The following KIF1B variants were observed in gnomAD, a reference collection of about 807,000 sequenced individuals.
The protein encoded by KIF1B is kinesin-like protein KIF1B.
Under a neutral mutation model 241.9 loss-of-function variants are expected in KIF1B, and 76 were observed. That is an observed-to-expected ratio of 0.31 (90% confidence interval 0.26 to 0.38). The LOEUF is 0.38. Among genes scored for constraint, KIF1B ranks in the 10% least tolerant of loss-of-function variants. The probability of loss-of-function intolerance (pLI) is 1.00; values close to 1 mark genes in which losing one functional copy is unlikely to be tolerated. For synonymous variants in KIF1B, 750 were observed against 796.7 expected (o/e 0.94, Z 0.99); for missense variants, 1,622 against 2,271.4 (o/e 0.71, Z 5.81).
intron 2 of KIF1B, among the ~76,000 whole-genome samples, chr1:10,250,440 G>C (rs1251378331): frequency 6.6e-6 from 1 of 151,622 alleles, no homozygotes; most frequent in African/African-American, 2.4e-5. Context: ...CTGGTTTCAA[G>C]CAGATCTCTT....
intron 44 of KIF1B, among the ~76,000 whole-genome samples, chr1:10,370,643 A>AT (rs1638706278): frequency 6.8e-6 from 1 of 147,974 alleles, no homozygotes; most frequent in African/African-American, 2.5e-5. Flanking sequence ...TCGAGAAAGA[A>AT]AATAATAATA....
At chr1:10,280,923 T>C (rs937047967) in intron 14 of KIF1B, among the ~76,000 whole-genome samples, 3 of 152,176 alleles carry the variant, frequency 2.0e-5, no homozygotes, top group Non-Finnish European at 4.4e-5. Flanking sequence ...TTCTCTTTAT[T>C]CCTTTTAGGG....
intron 2 of KIF1B, among the ~76,000 whole-genome samples, chr1:10,244,330 T>C (rs957397147): frequency 8.6e-5 from 13 of 150,326 alleles, no homozygotes; most frequent in Middle Eastern, 3.4e-3. Flanking sequence ...TTTTTTTTTT[T>C]TGAGATGGAG....
At chr1:10,248,230 A>T (rs1571134334) in intron 2 of KIF1B, among the ~76,000 whole-genome samples, 1 of 152,042 alleles carries the variant, frequency 6.6e-6, no homozygotes, top group Admixed American at 6.6e-5. Context: ...GGGTCTCGTT[A>T]TGTTGCCCAG....
rs972469524 is a variant in KIF1B at position 10,379,317 on chromosome 1, C to G, written c.*2730C>G. On this transcript the variant is annotated 3_prime_UTR_variant, in exon 49 of 49. Coordinates refer to ENST00000676179, the MANE Select transcript of KIF1B (RefSeq NM_001365951.3). Reference sequence around the variant, plus strand: ...ATTAGAACAGGCCAAACTGGACTGTCTGTTCATAGCGTGCCTGAATAAGAA... The same window carrying G: ...ATTAGAACAGGCCAAACTGGACTGTGTGTTCATAGCGTGCCTGAATAAGAA... 7 of 231,258 alleles carry G rather than the reference C, an allele frequency of 3.0e-5. No homozygotes were observed. The highest frequency in any genetic ancestry group is 5.1e-5 in the Non-Finnish European group (6 of 116,548). The allele number at this position is 231,258 out of a possible 1,614,324, so 14.3% of individuals were successfully genotyped here. A position where few individuals can be genotyped will look rare whatever the true frequency, so the allele number is the denominator to read the frequency against.
intron 16 of KIF1B, 151 bp downstream of exon 16, chr1:10,291,312 C>T (rs969039000): frequency 6.7e-5 from 42 of 630,366 alleles, no homozygotes; most frequent in Non-Finnish European, 1.1e-4. Context: ...GGATTTATGG[C>T]CAGTTGAATT....
intron 22 of KIF1B, among the ~76,000 whole-genome samples, chr1:10,300,672 G>A (rs979538689): frequency 2.0e-5 from 3 of 152,132 alleles, no homozygotes; most frequent in African/African-American, 7.2e-5. Context: ...ATGTGGGAAA[G>A]AATCAAAGAT....
intron 22 of KIF1B, among the ~76,000 whole-genome samples, chr1:10,298,064 A>G (rs61508659): frequency 0.035 from 5,355 of 152,330 alleles, 112 homozygotes; most frequent in Middle Eastern, 0.13. Context: ...CAACCAAACA[A>G]CCAATTTTGG....
At chr1:10,279,583 A>G (rs527697369) in intron 14 of KIF1B, among the ~76,000 whole-genome samples, 79 of 151,040 alleles carry the variant, frequency 5.2e-4, no homozygotes, top group Non-Finnish European at 9.9e-4. Flanking sequence ...AAAACTATCT[A>G]TGATTTAAGA....
At chr1:10,272,712 G>A (rs1381771910) in intron 9 of KIF1B, among the ~76,000 whole-genome samples, 1 of 146,294 alleles carries the variant, frequency 6.8e-6, no homozygotes, top group African/African-American at 2.5e-5. Flanking sequence ...TTGAGGGCCA[G>A]TAGTTTTTTT....
At chr1:10,373,669 C>T (rs944517730) in intron 45 of KIF1B, among the ~76,000 whole-genome samples, 6 of 152,174 alleles carry the variant, frequency 3.9e-5, no homozygotes, top group African/African-American at 1.4e-4. Flanking sequence ...TTATTTCTCA[C>T]ACAGTAGTCA....
chr1:10,259,766 C>T (rs1226697779), intron 4 of KIF1B, among the ~76,000 whole-genome samples: 1 of 151,722 alleles, frequency 6.6e-6, no homozygotes, highest in East Asian at 1.9e-4. Context: ...TCCCAAAGTG[C>T]AGGGATTGCA....
chr1:10,315,586 A>G (rs765132152), intron 22 of KIF1B, among the ~76,000 whole-genome samples: 8 of 151,618 alleles, frequency 5.3e-5, no homozygotes, highest in Non-Finnish European at 8.8e-5. Flanking sequence ...TAATTAAATC[A>G]AAAATTAGGA....
At chr1:10,269,999 A>G (rs916494297) in intron 7 of KIF1B, among the ~76,000 whole-genome samples, 3 of 152,102 alleles carry the variant, frequency 2.0e-5, no homozygotes, top group Non-Finnish European at 4.4e-5. Context: ...TTAATCCCAT[A>G]ATCATAGCTT....
chr1:10,379,665 C>G lies in KIF1B; in HGVS notation c.*3078C>G. On this transcript the variant is annotated 3_prime_UTR_variant, in exon 49 of 49. Transcript: ENST00000676179. Reference sequence around the variant, plus strand: ...ACTTTAAAAGGCAGGAAAGAGAATTCTTAGGCAAATTCAGAGAAATAAGTG... The same window carrying G: ...ACTTTAAAAGGCAGGAAAGAGAATTGTTAGGCAAATTCAGAGAAATAAGTG... The G allele has an allele frequency of 4.3e-6, 1 of 231,300 alleles. No individual in the cohort carries two copies. Among genetic ancestry groups the G allele is most frequent in the Middle Eastern group, 1.3e-3 (1 of 792 alleles). The allele number at this position is 231,300 out of a possible 1,614,324, so 14.3% of individuals were successfully genotyped here. A position where few individuals can be genotyped will look rare whatever the true frequency, so the allele number is the denominator to read the frequency against.
intron 14 of KIF1B, among the ~76,000 whole-genome samples, chr1:10,279,582 T>A (rs1376506175): frequency 1.3e-5 from 2 of 152,122 alleles, no homozygotes; most frequent in African/African-American, 4.8e-5. Flanking sequence ...CAAAACTATC[T>A]ATGATTTAAG....
chr1:10,297,323 A>AC (rs774520737), intron 22 of KIF1B, 77 bp downstream of exon 22: 3 of 1,273,882 alleles, frequency 2.4e-6, no homozygotes, highest in Non-Finnish European at 3.4e-6. Flanking sequence ...ACAGAGCAGT[A>AC]CTCACCCAAA....
chr1:10,305,001 G>A (rs1219294832), intron 22 of KIF1B: 1 of 1,125,182 alleles, frequency 8.9e-7, no homozygotes, highest in Non-Finnish European at 1.1e-6. Context: ...CATCCAGAAA[G>A]ACCTGCCTCT....
chr1:10,371,580 T>C (rs1638735282), intron 45 of KIF1B, among the ~76,000 whole-genome samples: 1 of 152,200 alleles, frequency 6.6e-6, no homozygotes, highest in Non-Finnish European at 1.5e-5. Context: ...AAGTGCTATC[T>C]TGGGAAAAAT....
Sources: allele counts gnomAD v4.1 joint callset (sites outside exome capture counted in the v4.1 genomes callset), GRCh38; gene constraint gnomAD v4.1.1; transcripts MANE v1.5; gene names NCBI Gene and HGNC (gene_info 2026-07-23, HGNC 2026-07-21).